Variants in SNX19 observed in about 807,000 individuals in gnomAD.
SNX19 encodes the protein sorting nexin 19.
In SNX19, 60 loss-of-function variants were observed where a neutral mutation model predicts 85.2. That is an observed-to-expected ratio of 0.70 (90% CI 0.57 to 0.87). The LOEUF is 0.87. Ranked by LOEUF, SNX19 falls within the 40% of genes least tolerant of loss-of-function variation. The probability of loss-of-function intolerance (pLI) is 0.00; values close to 1 mark genes in which losing one functional copy is unlikely to be tolerated. For synonymous variants in SNX19, 520 were observed against 470.0 expected (o/e 1.11, Z -1.38); for missense variants, 1,201 against 1,217.8 (o/e 0.99, Z 0.21).
At chr11:130,899,250 G>A (rs147683602) in intron 8 of SNX19, among the ~76,000 whole-genome samples, 2 of 152,298 alleles carry the variant, frequency 1.3e-5, no homozygotes, top group African/African-American at 4.8e-5. Context: ...GATTATCAAC[G>A]TTTACACTCT....
intron 8 of SNX19, among the ~76,000 whole-genome samples, chr11:130,898,976 GTT>G (rs1374477511): frequency 2.0e-5 from 3 of 152,216 alleles, no homozygotes; most frequent in Non-Finnish European, 4.4e-5. Context: ...AAAAACCTGG[GTT>G]CAAATTCTGC....
In SNX19 at chr11:130,915,734, A is replaced by G; in HGVS notation, c.206T>C (p.Leu69Pro). ...VVLGGWLGSS[L>P]AGVASGRLHL... is the part of the protein sequence containing the mutation. ...CAGTCGACCTGAAGCCACTCCAGCGAGGCTGGAGCCCAGCCATCCTCCCAG... is the reference window on the plus strand; with the variant it reads ...CAGTCGACCTGAAGCCACTCCAGCGGGGCTGGAGCCCAGCCATCCTCCCAG... The change falls in exon 1 of 11, where the codon CTC becomes CCC. Residue 69 changes from leucine to proline, a missense_variant. Coordinates refer to ENST00000265909, the MANE Select transcript of SNX19 (RefSeq NM_014758.3). 6.2e-7 allele frequency: 1 copy of G among 1,614,202 alleles called. No homozygotes were observed. Among genetic ancestry groups the G allele is most frequent in the Non-Finnish European group, 8.5e-7 (1 of 1,180,038 alleles).
chr11:130,914,577 C>T lies in SNX19; in HGVS notation c.1363G>A (p.Glu455Lys), dbSNP rs746428547. The change falls in exon 1 of 11, where the codon GAG becomes AAG. Residue 455 changes from glutamate (E) to lysine (K), a missense_variant. Coordinates refer to ENST00000265909, the MANE Select transcript of SNX19 (RefSeq NM_014758.3). ...GCGGTAACATCTCCTTGTTCTATCT[C>T]CTTGTCTGCTGTGTCAATATGGATC... is the stretch of plus-strand genomic sequence containing the variant. Reference protein sequence around the residue: ...PEIHIDTADKEIEQGDVTASV... With the variant: ...PEIHIDTADKKIEQGDVTASV... 6.2e-7 allele frequency: 1 copy of T among 1,613,872 alleles called. No individual in the cohort carries two copies. Among genetic ancestry groups the T allele is most frequent in the African/African-American group, 1.3e-5 (1 of 74,926 alleles).
intron 8 of SNX19, among the ~76,000 whole-genome samples, chr11:130,893,409 A>G (rs1944638218): frequency 1.3e-5 from 2 of 152,202 alleles, no homozygotes; most frequent in African/African-American, 4.8e-5. Flanking sequence ...TAAAGAATAC[A>G]TATATGAGAA....
chr11:130,907,329 G>GAC (rs146030730), intron 5 of SNX19, among the ~76,000 whole-genome samples: 26 of 152,004 alleles, frequency 1.7e-4, no homozygotes, highest in Middle Eastern at 3.4e-3. Context: ...CAGAGACAGA[G>GAC]ACACACACAC....
rs1943058920 is a variant in SNX19, at chr11:130,872,360, CT to C, written c.*6061del. On this transcript the variant is annotated 3_prime_UTR_variant, in exon 11 of 11. Transcript: ENST00000265909. Reference sequence around the variant, plus strand: ...CCCCACCGCTTCACGGTGGCCTTGGCTTTACACACTGTTGCTACCAAGTCAC... The same window carrying C: ...CCCCACCGCTTCACGGTGGCCTTGGCTTACACACTGTTGCTACCAAGTCAC... Among the ~76,000 whole-genome samples the C allele has an allele frequency of 6.6e-6, 1 of 152,264 alleles. No individual in the cohort carries two copies. Among genetic ancestry groups the C allele is most frequent in the Admixed American group, 6.5e-5 (1 of 15,294 alleles).
chr11:130,905,643 G>T (rs1211547894), intron 7 of SNX19: 2 of 1,469,580 alleles, frequency 1.4e-6, no homozygotes, highest in Admixed American at 4.6e-5. Context: ...TCTAAGAAAT[G>T]CAAGAGTCTG....
intron 8 of SNX19, among the ~76,000 whole-genome samples, chr11:130,901,504 G>T (rs1945256315): frequency 6.6e-6 from 1 of 152,104 alleles, no homozygotes; most frequent in Non-Finnish European, 1.5e-5. Context: ...GGAAATAACA[G>T]GTAGAGAAAG....
At chr11:130,892,150 A>T (rs765055520) in intron 8 of SNX19, among the ~76,000 whole-genome samples, 8 of 150,294 alleles carry the variant, frequency 5.3e-5, no homozygotes, top group Non-Finnish European at 1.0e-4. Context: ...GGCCAATCTG[A>T]AAGTTTTCTA....
In SNX19 at chr11:130,914,536, C is replaced by T; in HGVS notation, c.1404G>A (p.Leu468=). 7 of 1,613,938 alleles carry T rather than the reference C, an allele frequency of 4.3e-6. No individual in the cohort carries two copies. Among genetic ancestry groups the T allele is most frequent in the Non-Finnish European group, 5.9e-6 (7 of 1,179,856 alleles). Residue 468 remains leucine, a synonymous_variant, in exon 1 of 11, where the codon TTG becomes TTA. Coordinates refer to ENST00000265909, the MANE Select transcript of SNX19 (RefSeq NM_014758.3). ...QGDVTASVTA[L]LEGPEKTCPS... ...GGCAGGTCTTTTCTGGCCCCTCCAGCAAAGCTGTAACAGAGGCGGTAACAT... is the reference window on the plus strand; with the variant it reads ...GGCAGGTCTTTTCTGGCCCCTCCAGTAAAGCTGTAACAGAGGCGGTAACAT...
In SNX19 at chr11:130,874,503, A is replaced by AGAT. The variant is rs1943146804; in HGVS notation, c.*3916_*3918dup. Among the ~76,000 whole-genome samples, 1 of 152,240 alleles carries AGAT rather than the reference A, an allele frequency of 6.6e-6. No individual in the cohort carries two copies. On this transcript the variant is annotated 3_prime_UTR_variant, in exon 11 of 11. Transcript: ENST00000265909. The stretch of plus-strand genomic sequence containing the variant: ...ACCTAATTAGAATGGCAAGGAAGAA[A>AGAT]GATGGAAAGAATTCAGGCCCCTTAA...
At position 130,874,196 on chromosome 11, in the gene SNX19, A is replaced by G. The variant is rs1483428251; in HGVS notation, c.*4226T>C. On this transcript the variant is annotated 3_prime_UTR_variant, in exon 11 of 11. Coordinates refer to ENST00000265909, the MANE Select transcript of SNX19 (RefSeq NM_014758.3). ...AGCCACCATGCCCCGCTCATTTTTTATATTTTTTGTAGAGACAGGGTCTTG... is the reference window on the plus strand; with the variant it reads ...AGCCACCATGCCCCGCTCATTTTTTGTATTTTTTGTAGAGACAGGGTCTTG... Among the ~76,000 whole-genome samples, 1 of 151,814 alleles carries G rather than the reference A, an allele frequency of 6.6e-6. No homozygotes were observed. The highest frequency in any genetic ancestry group is 1.5e-5 in the Non-Finnish European group (1 of 67,944).
rs1324250020 is a variant in SNX19, at chr11:130,903,309, C to A, written c.2519G>T (p.Cys840Phe). The A allele has an allele frequency of 1.2e-6, 2 of 1,613,962 alleles. No individual in the cohort carries two copies. Among genetic ancestry groups the A allele is most frequent in the South Asian group, 2.2e-5 (2 of 91,076 alleles). ...AAGAAACTTTTGCATGTTTTCGGTA[C>A]ATAGCCATTTCCACTGTTCTGTTAG... ...LLLTEQWKWLCTENMQKFLRL... is the reference protein window; with the variant it reads ...LLLTEQWKWLFTENMQKFLRL... Residue 840 changes from cysteine to phenylalanine, a missense_variant, in exon 8 of 11, where the codon TGT becomes TTT. Coordinates refer to ENST00000265909, the MANE Select transcript of SNX19 (RefSeq NM_014758.3).
In SNX19 at chr11:130,914,918, C is replaced by T. The variant is rs764404416; in HGVS notation, c.1022G>A (p.Gly341Asp). Reference sequence around the variant, plus strand: ...TACTTTTCTTTCTTCACACATCCCACCCAAATCTCCCTCTACAGCTTCGTG... The same window carrying T: ...TACTTTTCTTTCTTCACACATCCCATCCAAATCTCCCTCTACAGCTTCGTG... ...EGHEAVEGDL[G>D]GMCEERKVGN... The change falls in exon 1 of 11, where the codon GGT (glycine) becomes GAT (aspartate). Residue 341 changes from glycine to aspartate, a missense_variant. This residue lies in a region of SNX19 where 791 missense variants were observed against 750.9 expected (regional missense o/e 1.05). Coordinates refer to ENST00000265909, the MANE Select transcript of SNX19 (RefSeq NM_014758.3). 3 of 1,614,214 alleles carry T rather than the reference C, an allele frequency of 1.9e-6. No individual in the cohort carries two copies. Among genetic ancestry groups the T allele is most frequent in the Non-Finnish European group, 2.5e-6 (3 of 1,180,044 alleles).
At chr11:130,903,128 C>T in intron 8 of SNX19, 127 bp downstream of exon 8, 1 of 1,381,212 alleles carries the variant, frequency 7.2e-7, no homozygotes, top group Admixed American at 2.0e-5. Context: ...TTTTTCATCC[C>T]TGTAACCCCT....
intron 8 of SNX19, among the ~76,000 whole-genome samples, chr11:130,890,710 TTAA>T (rs1944433666): frequency 6.6e-6 from 1 of 152,150 alleles, no homozygotes; most frequent in African/African-American, 2.4e-5. Flanking sequence ...CCCACATTCT[TTAA>T]ATCTCATCTC....
intron 8 of SNX19, among the ~76,000 whole-genome samples, chr11:130,885,381 C>A (rs1943985458): frequency 6.6e-6 from 1 of 152,228 alleles, no homozygotes; most frequent in African/African-American, 2.4e-5. Flanking sequence ...AAAAAGGAGA[C>A]AGTTTAATAC....
intron 1 of SNX19, among the ~76,000 whole-genome samples, chr11:130,912,498 TTCTTGACAGGGTAG>T (rs1946203957): frequency 6.6e-6 from 1 of 152,214 alleles, no homozygotes; most frequent in South Asian, 2.1e-4. Flanking sequence ...GGGGGCACAC[TTCTTGACAGGGTAG>T]TTAAGACACA....
chr11:130,878,415 T>A lies in SNX19; in HGVS notation c.*7A>T, dbSNP rs1395084725. 3.1e-6 allele frequency: 5 copies of A among 1,612,626 alleles called. No homozygotes were observed. Among genetic ancestry groups the A allele is most frequent in the South Asian group, 1.1e-5 (1 of 90,962 alleles). ...CCCTGACCTGGGAAGAAGGCGTGAA[T>A]AACCAGCTAAGAGGAGACACCCATC... On this transcript the variant is annotated 3_prime_UTR_variant, in exon 11 of 11. Coordinates refer to ENST00000265909, the MANE Select transcript of SNX19 (RefSeq NM_014758.3).
Sources: allele counts gnomAD v4.1 joint callset (sites outside exome capture counted in the v4.1 genomes callset), GRCh38; gene constraint gnomAD v4.1.1; regional missense constraint gnomAD v4.1.1; transcripts MANE v1.5; gene names NCBI Gene and HGNC (gene_info 2026-07-23, HGNC 2026-07-21).